The following CDYL variants were observed in gnomAD, a reference collection of about 807,000 sequenced individuals.
CDYL encodes the protein chromodomain Y-like protein.
Under a neutral mutation model 47.3 loss-of-function variants are expected in CDYL, and 8 were observed. That is an observed-to-expected ratio of 0.17 (90% CI 0.10 to 0.31). The LOEUF is 0.31. CDYL is among the 10% of genes least tolerant of loss of function. CDYL has a pLI of 1.00. For missense variants in CDYL, 471 were observed against 701.4 expected (o/e 0.67, Z 3.71); for synonymous variants, 266 against 265.0 (o/e 1.00, Z -0.04).
intron 1 of CDYL, among the ~76,000 whole-genome samples, chr6:4,822,414 C>T (rs1347284521): frequency 6.6e-6 from 1 of 151,548 alleles, no homozygotes; most frequent in Non-Finnish European, 1.5e-5. Flanking sequence ...CAAATTTAAT[C>T]TGGGGGGAAA....
chr6:4,798,615 G>T (rs1021429082), intron 1 of CDYL, among the ~76,000 whole-genome samples: 2 of 152,160 alleles, frequency 1.3e-5, no homozygotes, highest in Non-Finnish European at 2.9e-5. Context: ...GAGGAATTGT[G>T]TCTATCTTCA....
At chr6:4,731,047 G>T (rs1392774681) in intron 2 of CDYL, among the ~76,000 whole-genome samples, 1 of 152,204 alleles carries the variant, frequency 6.6e-6, no homozygotes, top group Non-Finnish European at 1.5e-5. Flanking sequence ...ACAAGTGCAG[G>T]TATTCCTTTG....
At chr6:4,844,148 G>C (rs907132464) in intron 1 of CDYL, among the ~76,000 whole-genome samples, 14 of 152,152 alleles carry the variant, frequency 9.2e-5, no homozygotes, top group African/African-American at 3.4e-4. Flanking sequence ...CTGGTACTCG[G>C]GAGTGTCTGC....
chr6:4,711,320 A>G (rs1757149365), intron 1 of CDYL, among the ~76,000 whole-genome samples: 1 of 152,186 alleles, frequency 6.6e-6, no homozygotes, highest in Admixed American at 6.5e-5. Context: ...ACTTACGGGA[A>G]GTCGTACACC....
At chr6:4,948,536 C>CT (rs3838327) in intron 5 of CDYL, among the ~76,000 whole-genome samples, 82,035 of 151,832 alleles carry the variant, frequency 0.54, 23,836 homozygotes, top group East Asian at 0.75. Flanking sequence ...TTTTCACCCC[C>CT]GACCTCACCC....
intron 2 of CDYL, among the ~76,000 whole-genome samples, chr6:4,730,589 G>A (rs1418023144): frequency 6.9e-6 from 1 of 145,906 alleles, no homozygotes; most frequent in African/African-American, 2.5e-5. Flanking sequence ...CAGAAGAATC[G>A]CTTGAACCCA....
chr6:4,900,484 A>G (rs1423837305), intron 2 of CDYL, among the ~76,000 whole-genome samples: 1 of 151,800 alleles, frequency 6.6e-6, no homozygotes, highest in East Asian at 1.9e-4. Context: ...TTCCTATTCG[A>G]GGATACATTT....
At chr6:4,833,249 T>A (rs1302196975) in intron 1 of CDYL, among the ~76,000 whole-genome samples, 2 of 147,528 alleles carry the variant, frequency 1.4e-5, no homozygotes, top group African/African-American at 5.2e-5. Context: ...TTTGAATGCG[T>A]CCCAGAGATT....
At chr6:4,730,757 T>C (rs1007759121) in intron 2 of CDYL, among the ~76,000 whole-genome samples, 1 of 147,320 alleles carries the variant, frequency 6.8e-6, no homozygotes, top group Non-Finnish European at 1.5e-5. Flanking sequence ...GTGATTCCAA[T>C]AGTATTCTCT....
intron 1 of CDYL, among the ~76,000 whole-genome samples, chr6:4,872,618 G>T (rs1203023156): frequency 6.6e-6 from 1 of 152,082 alleles, no homozygotes; most frequent in Non-Finnish European, 1.5e-5. Flanking sequence ...GACCTCAGGT[G>T]ATCCACACGC....
intron 2 of CDYL, among the ~76,000 whole-genome samples, chr6:4,725,297 G>A (rs554845415): frequency 2.0e-5 from 3 of 152,272 alleles, no homozygotes; most frequent in African/African-American, 4.8e-5. Flanking sequence ...GGTGCAGGTG[G>A]AGCTGCCTGC....
upstream of CDYL, among the ~76,000 whole-genome samples, chr6:4,775,931 C>T (rs1425061984): frequency 6.7e-6 from 1 of 149,952 alleles, no homozygotes; most frequent in Non-Finnish European, 1.5e-5. The surrounding 1 kb of genome is among the most constrained non-coding windows in gnomAD (Gnocchi z 7.0). Flanking sequence ...GGGCGGTGGG[C>T]TCCAGACGCG....
intron 2 of CDYL, among the ~76,000 whole-genome samples, chr6:4,896,179 TAAA>T (rs1267808256): frequency 6.6e-6 from 1 of 152,236 alleles, no homozygotes; most frequent in Non-Finnish European, 1.5e-5. Context: ...GGCCTTGATC[TAAA>T]TCAGGCTTGC....
intron 1 of CDYL, among the ~76,000 whole-genome samples, chr6:4,889,255 T>C (rs556649715): frequency 3.9e-5 from 6 of 152,080 alleles, no homozygotes; most frequent in Non-Finnish European, 7.4e-5. Context: ...GACGGAGTCT[T>C]GCACTGTCGC....
At chr6:4,763,173 C>T (rs1157121762) in intron 3 of CDYL, among the ~76,000 whole-genome samples, 3 of 152,088 alleles carry the variant, frequency 2.0e-5, no homozygotes. Context: ...AAATTCTATA[C>T]CAGCTGATAT....
chr6:4,880,818 G>A (rs1761743623), intron 1 of CDYL, among the ~76,000 whole-genome samples: 1 of 152,174 alleles, frequency 6.6e-6, no homozygotes, highest in Admixed American at 6.5e-5. Context: ...TTTGCCATCA[G>A]TATGTCATCT....
intron 3 of CDYL, among the ~76,000 whole-genome samples, chr6:4,757,175 C>A (rs1758088349): frequency 6.6e-6 from 1 of 152,120 alleles, no homozygotes; most frequent in Admixed American, 6.5e-5. Context: ...TAGTTGTCAT[C>A]TAAACCAATG....
chr6:4,843,325 A>G (rs1760558433), intron 1 of CDYL, among the ~76,000 whole-genome samples: 1 of 152,072 alleles, frequency 6.6e-6, no homozygotes. Context: ...TAAATTTCCC[A>G]GGTGTTCTTT....
At chr6:4,950,583 C>T (rs1368275111) in intron 5 of CDYL, among the ~76,000 whole-genome samples, 2 of 152,110 alleles carry the variant, frequency 1.3e-5, no homozygotes, top group African/African-American at 4.8e-5. Flanking sequence ...GTTTATGGAC[C>T]GTCTTTTCAC....
Sources: gnomAD v4.1 joint callset for allele counts (sites outside exome capture counted in the v4.1 genomes callset) on GRCh38, gnomAD v4.1.1 for gene constraint, Gnocchi (gnomAD v3.1) non-coding constraint, MANE v1.5 for transcripts, NCBI Gene and HGNC (gene_info 2026-07-23, HGNC 2026-07-21) for gene names.